The following RERE variants were observed in gnomAD, a reference collection of about 807,000 sequenced individuals.
The protein encoded by RERE is arginine-glutamic acid dipeptide repeats protein.
Under a neutral mutation model 146.1 loss-of-function variants are expected in RERE, and 40 were observed. The observed-to-expected ratio is 0.27, with a 90% confidence interval of 0.21 to 0.36. The LOEUF is 0.36. Among genes scored for constraint, RERE ranks in the 10% least tolerant of loss-of-function variants. RERE has a pLI of 1.00. For missense variants in RERE, 1,933 were observed against 2,138.7 expected (o/e 0.90, Z 1.90); for synonymous variants, 1,003 against 866.0 (o/e 1.16, Z -2.78).
intron 1 of RERE, among the ~76,000 whole-genome samples, chr1:8,809,545 A>G (rs545695998): frequency 6.6e-6 from 1 of 152,316 alleles, no homozygotes; most frequent in South Asian, 2.1e-4. Context: ...TAGATGGACC[A>G]TATTTCAATG....
chr1:8,411,220 A>G (rs1315557763), intron 12 of RERE, among the ~76,000 whole-genome samples: 1 of 152,168 alleles, frequency 6.6e-6, no homozygotes, highest in Non-Finnish European at 1.5e-5. Flanking sequence ...ACATCCTTCA[A>G]CTCATCTGGT....
chr1:8,402,661 T>C (rs1643303539), intron 12 of RERE, among the ~76,000 whole-genome samples: 2 of 152,200 alleles, frequency 1.3e-5, no homozygotes, highest in Admixed American at 6.5e-5. Flanking sequence ...GTTTATGTTT[T>C]GCTTGGTGAA....
chr1:8,679,130 T>C (rs1203096431), intron 1 of RERE, among the ~76,000 whole-genome samples: 1 of 152,192 alleles, frequency 6.6e-6, no homozygotes, highest in Non-Finnish European at 1.5e-5. Flanking sequence ...TAAAGCTAAA[T>C]GTATGGTAAG....
At chr1:8,355,346 C>T (rs1641246996) in intron 22 of RERE, 73 bp downstream of exon 22, 2 of 1,519,564 alleles carry the variant, frequency 1.3e-6, no homozygotes, top group Non-Finnish European at 1.8e-6. Flanking sequence ...AGGAGCCTGG[C>T]CCTGGGCACA....
At position 8,495,084 on chromosome 1, in the gene RERE, G is replaced by T. The variant is rs186721543; in HGVS notation, c.1083C>A (p.Thr361=). ...TTACTGTGTTCAGTGCATTCAGAGT[G>T]GTGTCATCCCGAGAGGCTGCGACAC... is the stretch of plus-strand genomic sequence containing the variant. ...DGCVAASRDD[T]TLNALNTLHE... The change falls in exon 10 of 23, where the codon ACC becomes ACA. Residue 361 remains threonine (T), a synonymous_variant. Coordinates refer to ENST00000400908, the MANE Select transcript of RERE (RefSeq NM_001042681.2). The T allele has an allele frequency of 6.5e-4, 1,045 of 1,613,036 alleles. 12 individuals are homozygous for T. In the Admixed American group the frequency reaches 0.017, roughly 26 times the overall value.
intron 4 of RERE, among the ~76,000 whole-genome samples, chr1:8,585,070 C>T (rs913125780): frequency 1.3e-5 from 2 of 150,478 alleles, no homozygotes; most frequent in Non-Finnish European, 2.9e-5. Context: ...ATCACTTGAA[C>T]CAGGGAGGCA....
intron 11 of RERE, among the ~76,000 whole-genome samples, chr1:8,440,062 G>A (rs902740960): frequency 3.9e-5 from 6 of 152,148 alleles, no homozygotes; most frequent in Non-Finnish European, 7.4e-5. Flanking sequence ...CAACAAGAGT[G>A]AAACTCCCTC....
At chr1:8,491,034 A>G (rs1366676208) in intron 10 of RERE, among the ~76,000 whole-genome samples, 1 of 150,788 alleles carries the variant, frequency 6.6e-6, no homozygotes, top group Admixed American at 6.6e-5. Context: ...TGAAGAAAAA[A>G]CAGAATAAAA....
At chr1:8,647,504 T>A (rs1178267544) in intron 2 of RERE, among the ~76,000 whole-genome samples, 1 of 152,222 alleles carries the variant, frequency 6.6e-6, no homozygotes, top group African/African-American at 2.4e-5. Context: ...TCAATAAAAC[T>A]ACCCCACCAC....
chr1:8,574,158 C>T (rs1054869672), intron 4 of RERE, among the ~76,000 whole-genome samples: 2 of 151,992 alleles, frequency 1.3e-5, no homozygotes, highest in Non-Finnish European at 2.9e-5. Flanking sequence ...CTAATTTCCA[C>T]TGTGATTTCT....
chr1:8,760,584 C>G (rs567248363), intron 1 of RERE, among the ~76,000 whole-genome samples: 16 of 152,136 alleles, frequency 1.1e-4, no homozygotes, highest in Non-Finnish European at 2.1e-4. Flanking sequence ...TGAATTTGGA[C>G]AGGCTTTTGA....
intron 10 of RERE, among the ~76,000 whole-genome samples, chr1:8,484,322 G>A (rs1557652768): frequency 6.6e-6 from 1 of 151,848 alleles, no homozygotes; most frequent in East Asian, 1.9e-4. Flanking sequence ...ACTGTATGAG[G>A]AAACACACAC....
intron 1 of RERE, among the ~76,000 whole-genome samples, chr1:8,744,027 CAATA>C (rs1254484117): frequency 6.6e-6 from 1 of 152,054 alleles, no homozygotes; most frequent in Admixed American, 6.6e-5. Context: ...AGTAGGTGCT[CAATA>C]AATAGTGGTT....
chr1:8,569,905 A>G (rs1035465046), intron 4 of RERE, among the ~76,000 whole-genome samples: 21 of 152,216 alleles, frequency 1.4e-4, no homozygotes, highest in Admixed American at 3.3e-4. Flanking sequence ...AAAAAAGAAA[A>G]TATTTTATTG....
At chr1:8,762,279 C>T (rs1383723388) in intron 1 of RERE, among the ~76,000 whole-genome samples, 1 of 152,154 alleles carries the variant, frequency 6.6e-6, no homozygotes. Flanking sequence ...AAGACAAGCG[C>T]CTTAGGAGAA....
intron 3 of RERE, among the ~76,000 whole-genome samples, chr1:8,618,651 C>A (rs115830568): frequency 6.6e-6 from 1 of 152,076 alleles, no homozygotes. Flanking sequence ...GTCGATAATG[C>A]GTAAGTCTGA....
At chr1:8,358,955 G>A (rs750375779) in intron 19 of RERE, 39 bp from the exon 20 acceptor site, 33 of 1,499,410 alleles carry the variant, frequency 2.2e-5, no homozygotes, top group Admixed American at 6.7e-5. Flanking sequence ...TCCCCCGAGC[G>A]CCTGGGGTCT....
chr1:8,416,555 C>G (rs1274225725), intron 12 of RERE, among the ~76,000 whole-genome samples: 1 of 134,230 alleles, frequency 7.4e-6, no homozygotes, highest in African/African-American at 2.8e-5. Flanking sequence ...AACTGCACTC[C>G]AGCCTGGGCG....
Position 8,602,252 on chromosome 1 carries a change from G to A in RERE, c.522+12309C>T, listed in dbSNP as rs371041784. Among the ~76,000 whole-genome samples the A allele has an allele frequency of 1.1e-4, 16 of 152,004 alleles. No homozygotes were observed. In the East Asian group the frequency reaches 1.7e-3, roughly 17 times the overall value. The stretch of plus-strand genomic sequence containing the variant: ...AAAAATACAAAAAAATCAGCCAGGC[G>A]TGGTGGCGGGCGCCTGTAGTCCCAG... On this transcript the variant is annotated intron_variant, in intron 4 of 22. Transcript: ENST00000400908.
Sources: allele counts gnomAD v4.1 joint callset (sites outside exome capture counted in the v4.1 genomes callset), GRCh38; gene constraint gnomAD v4.1.1; transcripts MANE v1.5; gene names NCBI Gene and HGNC (gene_info 2026-07-23, HGNC 2026-07-21).